The following ARL5A variants were observed in gnomAD, a reference collection of about 807,000 sequenced individuals.
The protein encoded by ARL5A is ADP-ribosylation factor-like protein 5A.
ARL5A carries 18 observed loss-of-function variants against 25.9 expected under a neutral mutation model. The ratio of observed to expected loss-of-function variants is 0.69; its 90% CI spans 0.48 to 1.03. The LOEUF (loss-of-function observed/expected upper bound fraction) is 1.03, where lower values mean the gene tolerates loss of function less well. Ranked by LOEUF, ARL5A falls within the 50% of genes least tolerant of loss-of-function variation. The pLI is 0.00. For missense variants in ARL5A, 170 were observed against 211.9 expected (o/e 0.80, Z 1.23); for synonymous variants, 61 against 67.5 (o/e 0.90, Z 0.47).
intron 1 of ARL5A, among the ~76,000 whole-genome samples, chr2:151,818,087 A>T (rs1258573474): frequency 6.6e-6 from 1 of 152,216 alleles, no homozygotes; most frequent in Admixed American, 6.5e-5. Context: ...AATTCATGGA[A>T]ATGACTAAGA....
chr2:151,818,199 T>A (rs146797021), intron 1 of ARL5A, among the ~76,000 whole-genome samples: 190 of 152,316 alleles, frequency 1.2e-3, no homozygotes, highest in African/African-American at 4.2e-3. Context: ...ACATGATGGC[T>A]GAATTAAAAT....
chr2:151,825,938 C>T (rs1013244949), intron 1 of ARL5A, among the ~76,000 whole-genome samples: 13 of 151,960 alleles, frequency 8.6e-5, no homozygotes, highest in Admixed American at 6.6e-4. Context: ...TTCTGGCCAA[C>T]GTGGTGAAAC....
intron 2 of ARL5A, among the ~76,000 whole-genome samples, chr2:151,814,561 T>A (rs184223477): frequency 1.0e-3 from 154 of 152,152 alleles, no homozygotes; most frequent in Admixed American, 2.3e-3. Context: ...CTACTTTCTT[T>A]TTTTTAATGT....
rs1258404916 is a variant in ARL5A at position 151,800,729 on chromosome 2, A to G, written c.*2547T>C. ...ACAGATGCTATTATGATAAAATTAA[A>G]CATATTCAAATGCTTATAGCATATG... On this transcript the variant is annotated 3_prime_UTR_variant, in exon 6 of 6. Coordinates refer to ENST00000295087, the MANE Select transcript of ARL5A (RefSeq NM_012097.4). The G allele has an allele frequency of 6.6e-6, 1 of 152,250 alleles. No homozygotes were observed. Among genetic ancestry groups the G allele is most frequent in the Non-Finnish European group, 1.5e-5 (1 of 68,014 alleles). 9.4% of individuals were successfully genotyped at this position (152,250 alleles called of 1,614,324 possible). A position where few individuals can be genotyped will look rare whatever the true frequency, so the allele number is the denominator to read the frequency against.
In ARL5A at chr2:151,801,010, A is replaced by C. The variant is rs2099829345; in HGVS notation, c.*2266T>G. ...TTCACCAGCTTCTCCATTTTATTTG[A>C]AAATAATACTTTTAAAATGATTTTG... On this transcript the variant is annotated 3_prime_UTR_variant, in exon 6 of 6. Coordinates refer to ENST00000295087, the MANE Select transcript of ARL5A (RefSeq NM_012097.4). The C allele has an allele frequency of 6.6e-6, 1 of 152,626 alleles. No homozygotes were observed. Among genetic ancestry groups the C allele is most frequent in the Non-Finnish European group, 1.5e-5 (1 of 68,026 alleles). 9.5% of individuals were successfully genotyped at this position (152,626 alleles called of 1,614,324 possible). A position where few individuals can be genotyped will look rare whatever the true frequency, so the allele number is the denominator to read the frequency against.
chr2:151,816,479 A>G (rs2099831519), intron 1 of ARL5A, among the ~76,000 whole-genome samples: 1 of 152,234 alleles, frequency 6.6e-6, no homozygotes, highest in Admixed American at 6.5e-5. Context: ...AAGTCATAAA[A>G]TTAAAGAATA....
chr2:151,812,413 C>T lies in ARL5A; in HGVS notation c.283G>A (p.Asp95Asn). Residue 95 changes from aspartate (D) to asparagine (N), a missense_variant, in exon 4 of 6, where the codon GAC (aspartate) becomes AAC (asparagine). Physicochemically the swap from Asp to Asn is conservative, Grantham distance 23. Coordinates refer to ENST00000295087, the MANE Select transcript of ARL5A (RefSeq NM_012097.4). ...EFVIVVVDSTDRERISVTREE... is the reference protein window; with the variant it reads ...EFVIVVVDSTNRERISVTREE... ...CTAGTTACAGAAATCCTCTCTCTGT[C>T]TGTACTGTCCACAACAACTATTACA... 4.4e-6 allele frequency: 7 copies of T among 1,602,600 alleles called. No individual in the cohort carries two copies. Among genetic ancestry groups the T allele is most frequent in the Non-Finnish European group, 6.0e-6 (7 of 1,176,228 alleles).
intron 4 of ARL5A, among the ~76,000 whole-genome samples, chr2:151,809,978 G>A (rs1264202170): frequency 2.0e-5 from 3 of 152,184 alleles, no homozygotes; most frequent in Non-Finnish European, 4.4e-5. Flanking sequence ...AGCTACTCTG[G>A]AGGCTGAGGC....
chr2:151,820,588 A>G (rs535701113), intron 1 of ARL5A, among the ~76,000 whole-genome samples: 1 of 134,380 alleles, frequency 7.4e-6, no homozygotes, highest in East Asian at 2.6e-4. Flanking sequence ...TGAACCTGGG[A>G]GTCAGAGGTT....
intron 2 of ARL5A, 28 bp from the exon 3 acceptor site, chr2:151,814,344 A>T: frequency 1.4e-6 from 2 of 1,451,488 alleles, no homozygotes; most frequent in African/African-American, 1.5e-5. Flanking sequence ...TATACATTAC[A>T]ATTAGCAAGG....
intron 1 of ARL5A, 78 bp from the exon 2 acceptor site, chr2:151,815,277 G>C: frequency 8.7e-7 from 1 of 1,145,008 alleles, no homozygotes; most frequent in Admixed American, 2.1e-5. Context: ...AATATACTCT[G>C]TATCTCACCC....
intron 2 of ARL5A, among the ~76,000 whole-genome samples, chr2:151,814,609 T>G (rs1376265675): frequency 6.6e-6 from 1 of 152,008 alleles, no homozygotes; most frequent in Non-Finnish European, 1.5e-5. Context: ...TCATACATAA[T>G]CAGTGGCATG....
rs1339253375 is a variant in ARL5A at position 151,802,422 on chromosome 2, AGAT to A, written c.*851_*853del. The A allele has an allele frequency of 6.6e-6, 1 of 152,134 alleles. No homozygotes were observed. Among genetic ancestry groups the A allele is most frequent in the Non-Finnish European group, 1.5e-5 (1 of 67,976 alleles). The allele number at this position is 152,134 out of a possible 1,614,324, so 9.4% of individuals were successfully genotyped here. On this transcript the variant is annotated 3_prime_UTR_variant, in exon 6 of 6. Transcript: ENST00000295087. ...GGATTAATAATTTATTCAGTAATTTAGATGCCATAAGAACCACTGAAAGGAATA... is the reference window on the plus strand; with the variant it reads ...GGATTAATAATTTATTCAGTAATTTAGCCATAAGAACCACTGAAAGGAATA...
chr2:151,801,895 A>G lies in ARL5A; in HGVS notation c.*1381T>C, dbSNP rs1041342385. 6 of 152,114 alleles carry G rather than the reference A, an allele frequency of 3.9e-5. No individual in the cohort carries two copies. The highest frequency in any genetic ancestry group is 5.9e-5 in the Non-Finnish European group (4 of 67,970). 9.4% of individuals were successfully genotyped at this position (152,114 alleles called of 1,614,324 possible). ...AAGAATATGTTTTAACACATTTAGG[A>G]TAAGTTTGTTTACAGTTGTGACAGG... On this transcript the variant is annotated 3_prime_UTR_variant, in exon 6 of 6. Transcript: ENST00000295087.
chr2:151,803,433 A>G (rs1373995052), intron 5 of ARL5A, 109 bp from the exon 6 acceptor site: 13 of 782,778 alleles, frequency 1.7e-5, no homozygotes, highest in Non-Finnish European at 2.9e-5. Flanking sequence ...CTAAATAACA[A>G]AGATTTAAAA....
chr2:151,799,118 T>C lies in ARL5A; in HGVS notation c.*4158A>G, dbSNP rs192892267. On this transcript the variant is annotated 3_prime_UTR_variant, in exon 6 of 6. Transcript: ENST00000295087. ...TTCTTTCCTTTTTACTCTATTATCA[T>C]GGTCTTAAAATAATCTATCGCACAT... 1.4e-4 allele frequency: 21 copies of C among 152,310 alleles called. 1 individual carries two copies. The highest frequency in any genetic ancestry group is 1.3e-3 in the Admixed American group (20 of 15,304). 9.4% of individuals were successfully genotyped at this position (152,310 alleles called of 1,614,324 possible). A position where few individuals can be genotyped will look rare whatever the true frequency, so the allele number is the denominator to read the frequency against.
intron 1 of ARL5A, among the ~76,000 whole-genome samples, chr2:151,824,007 C>T (rs1452404654): frequency 6.6e-6 from 1 of 152,164 alleles, no homozygotes; most frequent in African/African-American, 2.4e-5. Context: ...ACATTTTGCC[C>T]AGTGGCAAAA....
Position 151,816,081 on chromosome 2 carries a change from G to T in ARL5A, c.47-882C>A, listed in dbSNP as rs2099831462. Among the ~76,000 whole-genome samples, 3 of 152,168 alleles carry T rather than the reference G, an allele frequency of 2.0e-5. No individual in the cohort carries two copies. In the South Asian group the frequency reaches 6.2e-4, roughly 31 times the overall value. ...TTTAACCCACAGATGCAGCAGAAAT[G>T]ACCAGACGTGATTTCTGAGCCTAAA... is the stretch of plus-strand genomic sequence containing the variant. On this transcript the variant is annotated intron_variant, in intron 1 of 5. Transcript: ENST00000295087.
intron 4 of ARL5A, among the ~76,000 whole-genome samples, chr2:151,810,914 C>T (rs542196776): frequency 6.6e-6 from 1 of 151,884 alleles, no homozygotes; most frequent in Non-Finnish European, 1.5e-5. Flanking sequence ...CTGAAAAATG[C>T]TGCATTTTTG....
Sources: allele counts gnomAD v4.1 joint callset (sites outside exome capture counted in the v4.1 genomes callset), GRCh38; gene constraint gnomAD v4.1.1; transcripts MANE v1.5; gene names NCBI Gene and HGNC (gene_info 2026-07-23, HGNC 2026-07-21).